The following FBXL17 variants were observed in gnomAD, a reference collection of about 807,000 sequenced individuals.
The protein encoded by FBXL17 is F-box/LRR-repeat protein 17.
In FBXL17, 22 loss-of-function variants were observed where a neutral mutation model predicts 66.2. That is an observed-to-expected ratio of 0.33 (90% confidence interval 0.24 to 0.47). FBXL17 has a LOEUF of 0.47. FBXL17 is among the 20% of genes least tolerant of loss of function. FBXL17 has a pLI of 1.00. For missense variants in FBXL17, 878 were observed against 948.2 expected, an observed-to-expected ratio of 0.93 and a Z score of 0.97; for synonymous variants, 474 against 400.5, an observed-to-expected ratio of 1.18 and a Z score of -2.19.
At chr5:108,187,071 A>G (rs1319709820) in intron 5 of FBXL17, among the ~76,000 whole-genome samples, 6 of 152,168 alleles carry the variant, frequency 3.9e-5, no homozygotes, top group Admixed American at 1.3e-4. Flanking sequence ...GTTTCATCAT[A>G]AAATGATATA....
At chr5:107,909,579 C>T (rs1749882324) in intron 7 of FBXL17, among the ~76,000 whole-genome samples, 1 of 152,170 alleles carries the variant, frequency 6.6e-6, no homozygotes, top group Admixed American at 6.5e-5. Context: ...TTTCTTCAGC[C>T]TATCCTGCAT....
At chr5:107,903,558 C>A (rs1206958251) in intron 7 of FBXL17, among the ~76,000 whole-genome samples, 1 of 152,092 alleles carries the variant, frequency 6.6e-6, no homozygotes, top group African/African-American at 2.4e-5. Flanking sequence ...TGTTTACAGT[C>A]ATGCAGTTAG....
rs116671633 is a variant in FBXL17 at position 107,992,391 on chromosome 5, A to G, written c.1822+28534T>C. On this transcript the variant is annotated intron_variant, in intron 7 of 8. Coordinates refer to ENST00000542267, the MANE Select transcript of FBXL17 (RefSeq NM_001163315.3). ...TTGGTGTAGCAGAAGAAAAAAATAC[A>G]TTGTCTCCTTGAAACTGGAACTACA... 1.2e-3 allele frequency among the ~76,000 whole-genome samples: 179 copies of G among 152,298 alleles called. 2 individuals carry two copies. The highest frequency in any genetic ancestry group is 3.8e-3 in the Admixed American group (58 of 15,298).
intron 4 of FBXL17, among the ~76,000 whole-genome samples, chr5:108,259,284 T>C (rs1400846408): frequency 3.3e-5 from 5 of 152,164 alleles, no homozygotes; most frequent in African/African-American, 1.2e-4. Flanking sequence ...GATATGATGG[T>C]TTTGTGGAAA....
chr5:108,184,087 T>C (rs1438586008), intron 6 of FBXL17, among the ~76,000 whole-genome samples: 3 of 152,104 alleles, frequency 2.0e-5, no homozygotes, highest in Non-Finnish European at 4.4e-5. Flanking sequence ...AAATGGAGTC[T>C]ACATGGTTTT....
In FBXL17 at chr5:108,063,064, A is replaced by G. The variant is rs143173107; in HGVS notation, c.1746-42063T>C. Among the ~76,000 whole-genome samples the G allele has an allele frequency of 1.6e-3, 237 of 152,286 alleles. 2 individuals are homozygous for G. The highest frequency in any genetic ancestry group is 2.1e-3 in the Non-Finnish European group (145 of 68,018). On this transcript the variant is annotated intron_variant, in intron 6 of 8. Coordinates refer to ENST00000542267, the MANE Select transcript of FBXL17 (RefSeq NM_001163315.3). ...ACTATTATAGTAGAAATACAATATT[A>G]TATCATGCTCTTTTCACTTATGTCA... is the stretch of plus-strand genomic sequence containing the variant.
intron 6 of FBXL17, among the ~76,000 whole-genome samples, chr5:108,082,971 T>C (rs1748825362): frequency 6.6e-6 from 1 of 150,836 alleles, no homozygotes; most frequent in South Asian, 2.1e-4. Flanking sequence ...TTTACATTTG[T>C]TTAAGAAAGC....
Position 108,381,807 on chromosome 5 carries a change from TGCGCACACAC to T in FBXL17, c.-126_-117del, listed in dbSNP as rs1004985574. ...CGGCCCCCGGAGGGGTCGCCCTTCCTGCGCACACACACGCACACACGGGCACACACGCGAC... is the reference window on the plus strand; with the variant it reads ...CGGCCCCCGGAGGGGTCGCCCTTCCTACGCACACACGGGCACACACGCGAC... On this transcript the variant is annotated 5_prime_UTR_variant, in exon 1 of 9. Coordinates refer to ENST00000542267, the MANE Select transcript of FBXL17 (RefSeq NM_001163315.3). The T allele has an allele frequency of 5.3e-5, 72 of 1,351,530 alleles. 1 individual carries two copies. In the South Asian group the frequency reaches 5.4e-4, roughly 10 times the overall value. 83.7% of individuals were successfully genotyped at this position (1,351,530 alleles called of 1,614,324 possible). A position where few individuals can be genotyped will look rare whatever the true frequency, so the allele number is the denominator to read the frequency against.
intron 8 of FBXL17, among the ~76,000 whole-genome samples, chr5:107,872,072 C>T (rs1347901063): frequency 6.6e-6 from 1 of 152,196 alleles, no homozygotes; most frequent in East Asian, 1.9e-4. Flanking sequence ...GAATTTGACC[C>T]GTTTCCTAAG....
intron 6 of FBXL17, among the ~76,000 whole-genome samples, chr5:108,090,122 C>T (rs1316829921): frequency 6.6e-6 from 1 of 152,092 alleles, no homozygotes; most frequent in Non-Finnish European, 1.5e-5. Context: ...AGCCACCATG[C>T]CCAGCCAAAA....
At chr5:108,019,762 T>C (rs1204309286) in intron 7 of FBXL17, among the ~76,000 whole-genome samples, 2 of 151,862 alleles carry the variant, frequency 1.3e-5, no homozygotes, top group Admixed American at 6.6e-5. Flanking sequence ...GAGATAACCA[T>C]GTCTAAGTAG....
intron 6 of FBXL17, among the ~76,000 whole-genome samples, chr5:108,111,648 C>T (rs1037431139): frequency 6.6e-6 from 1 of 152,140 alleles, no homozygotes; most frequent in African/African-American, 2.4e-5. Flanking sequence ...TCAGGATAAT[C>T]CCCAATTATA....
rs190105543 is a variant in FBXL17 at position 108,034,035 on chromosome 5, T to A, written c.1746-13034A>T. Among the ~76,000 whole-genome samples, 390 of 152,210 alleles carry A rather than the reference T, an allele frequency of 2.6e-3. 11 individuals are homozygous for A. In the East Asian group the frequency reaches 0.066, roughly 26 times the overall value. On this transcript the variant is annotated intron_variant, in intron 6 of 8. Coordinates refer to ENST00000542267, the MANE Select transcript of FBXL17 (RefSeq NM_001163315.3). ...CAGGCAATACTTGTTGTAAACCCCATGCAATAGCTTTCTGGGCCCAGATAA... is the reference window on the plus strand; with the variant it reads ...CAGGCAATACTTGTTGTAAACCCCAAGCAATAGCTTTCTGGGCCCAGATAA...
intron 6 of FBXL17, among the ~76,000 whole-genome samples, chr5:108,084,426 T>C (rs1333530949): frequency 6.6e-6 from 1 of 152,168 alleles, no homozygotes; most frequent in Non-Finnish European, 1.5e-5. Flanking sequence ...CTAGGAGCAG[T>C]AGCAAAATAA....
intron 4 of FBXL17, among the ~76,000 whole-genome samples, chr5:108,306,215 G>A (rs1245761639): frequency 6.6e-6 from 1 of 151,874 alleles, no homozygotes; most frequent in Non-Finnish European, 1.5e-5. Context: ...AGATATATGG[G>A]GGAAAATACA....
intron 4 of FBXL17, among the ~76,000 whole-genome samples, chr5:108,256,862 T>C (rs374807210): frequency 6.6e-6 from 1 of 152,128 alleles, no homozygotes; most frequent in African/African-American, 2.4e-5. Context: ...TTTGTTTCTG[T>C]TCTGTGTTTT....
chr5:107,924,994 C>T (rs2112566423), intron 7 of FBXL17, among the ~76,000 whole-genome samples: 1 of 152,268 alleles, frequency 6.6e-6, no homozygotes. Flanking sequence ...AGATTTTTAT[C>T]ATTTTCTTTT....
chr5:108,377,189 T>A (rs1024096880), intron 1 of FBXL17, among the ~76,000 whole-genome samples: 4 of 152,222 alleles, frequency 2.6e-5, no homozygotes, highest in Non-Finnish European at 5.9e-5. Flanking sequence ...AGAATTCTCA[T>A]CTGCCTTGGC....
intron 6 of FBXL17, among the ~76,000 whole-genome samples, chr5:108,109,878 C>A (rs1213487595): frequency 2.0e-5 from 3 of 152,168 alleles, no homozygotes; most frequent in African/African-American, 7.2e-5. Context: ...ACATCAAATT[C>A]ATTCAGTCCA....
Sources: gnomAD v4.1 joint callset for allele counts (sites outside exome capture counted in the v4.1 genomes callset) on GRCh38, gnomAD v4.1.1 for gene constraint, MANE v1.5 for transcripts, NCBI Gene and HGNC (gene_info 2026-07-23, HGNC 2026-07-21) for gene names.